Variants in SLC12A5 observed in about 807,000 individuals in gnomAD.
The protein encoded by SLC12A5 is solute carrier family 12 member 5, also known as K-Cl cotransporter 2.
Under a neutral mutation model 124.0 loss-of-function variants are expected in SLC12A5, and 18 were observed. The observed-to-expected ratio is 0.15, with a 90% confidence interval of 0.10 to 0.22. The LOEUF is 0.22. SLC12A5 is among the 10% of genes least tolerant of loss of function. The pLI is 1.00. For missense variants in SLC12A5, 867 were observed against 1,478.7 expected (o/e 0.59, Z 6.78); for synonymous variants, 589 against 568.0 (o/e 1.04, Z -0.53).
At chr20:46,026,177 T>G (rs1396988156), upstream of SLC12A5, among the ~76,000 whole-genome samples, 1 of 152,216 alleles carries the variant, frequency 6.6e-6, no homozygotes, top group African/African-American at 2.4e-5. Context: ...CTCTTCCAGT[T>G]CCCAAATCCT....
chr20:46,029,309 C>A lies in SLC12A5; in HGVS notation c.-36C>A. 6.6e-7 allele frequency: 1 copy of A among 1,519,704 alleles called. No individual in the cohort carries two copies. The highest frequency in any genetic ancestry group is 8.8e-7 in the Non-Finnish European group (1 of 1,134,036). The allele number at this position is 1,519,704 out of a possible 1,614,324, so 94.1% of individuals were successfully genotyped here. ...GGGTAGAGGGGCGCGGGCGAGGCGGCGCAGCCATCCCCGGACCAGGGGCCG... is the reference window on the plus strand; with the variant it reads ...GGGTAGAGGGGCGCGGGCGAGGCGGAGCAGCCATCCCCGGACCAGGGGCCG... On this transcript the variant is annotated 5_prime_UTR_variant, in exon 1 of 26. Coordinates refer to ENST00000243964, the MANE Select transcript of SLC12A5 (RefSeq NM_020708.5).
At chr20:46,044,186 A>G (rs2084573497) in intron 11 of SLC12A5, among the ~76,000 whole-genome samples, 1 of 152,200 alleles carries the variant, frequency 6.6e-6, no homozygotes, top group African/African-American at 2.4e-5. Context: ...GATTAATTCA[A>G]TAGTGTGTCT....
Position 46,045,230 on chromosome 20 carries a change from C to A in SLC12A5, c.1569+90C>A. The stretch of plus-strand genomic sequence containing the variant: ...CACAGTGACCCAGGGCCATAACCAG[C>A]CTTAGACTACCTCCTGGGCCACTTC... On this transcript the variant is annotated intron_variant, in intron 12 of 25. Transcript: ENST00000243964. This position sits in a 1 kb window ranked among gnomAD's most constrained non-coding sequence, Gnocchi z 4.9. The A allele has an allele frequency of 7.1e-7, 1 of 1,403,540 alleles. No homozygotes were observed. Among genetic ancestry groups the A allele is most frequent in the South Asian group, 1.4e-5 (1 of 70,798 alleles). The allele number at this position is 1,403,540 out of a possible 1,614,324, so 86.9% of individuals were successfully genotyped here.
Position 46,045,083 on chromosome 20 carries a change from G to A in SLC12A5, c.1512G>A (p.Thr504=), listed in dbSNP as rs41282782. 74,354 of 1,612,380 alleles carry A rather than the reference G, an allele frequency of 0.046. 1,971 individuals are homozygous for A. Among genetic ancestry groups the A allele is most frequent in the Non-Finnish European group, 0.049 (58,026 of 1,179,256 alleles). ...STCGAGLQSL[T]GAPRLLQAIS... ...GTGGGGCTGGGCTGCAGAGCCTCAC[G>A]GGGGCCCCACGCCTGCTGCAGGCCA... Residue 504 remains threonine (T), a synonymous_variant, in exon 12 of 26, where the codon ACG becomes ACA. Transcript: ENST00000243964. This position sits in a 1 kb window ranked among gnomAD's most constrained non-coding sequence, Gnocchi z 4.9.
intron 18 of SLC12A5, 24 bp from the exon 19 acceptor site, chr20:46,052,933 G>C (rs753262118): frequency 7.5e-6 from 12 of 1,592,120 alleles, no homozygotes; most frequent in Non-Finnish European, 1.0e-5. Flanking sequence ...TTCCCCCTCT[G>C]GCCCTCTCCT....
In SLC12A5 at chr20:46,059,290, A is replaced by AGAGCTG; in HGVS notation, c.*1693_*1698dup. 1 of 295,860 alleles carries AGAGCTG rather than the reference A, an allele frequency of 3.4e-6. No homozygotes were observed. Among genetic ancestry groups the AGAGCTG allele is most frequent in the Non-Finnish European group, 6.2e-6 (1 of 162,374 alleles). The allele number at this position is 295,860 out of a possible 1,614,324, so 18.3% of individuals were successfully genotyped here. On this transcript the variant is annotated 3_prime_UTR_variant, in exon 26 of 26. Transcript: ENST00000243964. ...ACCTCTTTTCCTTTGAGCCCAAGGCAGAGCTGGAGCTGGCGCCACCCAGAC... is the reference window on the plus strand; with the variant it reads ...ACCTCTTTTCCTTTGAGCCCAAGGCAGAGCTGGAGCTGGAGCTGGCGCCACCCAGAC...
At chr20:46,046,066 C>T in intron 13 of SLC12A5, 70 bp downstream of exon 13, 1 of 1,407,750 alleles carries the variant, frequency 7.1e-7, no homozygotes, top group South Asian at 1.2e-5. Context: ...GCAGCCGTTA[C>T]CTGTGACAAC....
intron 15 of SLC12A5, 71 bp downstream of exon 15, chr20:46,047,644 T>A: frequency 1.3e-6 from 2 of 1,537,500 alleles, no homozygotes; most frequent in Non-Finnish European, 1.8e-6. Context: ...AGGGAAGGGG[T>A]CATGAGGGAT....
At chr20:46,021,884 A>G (rs1269925327) in exon 1 of SLC12A5, 4 of 1,526,462 alleles carry the variant, frequency 2.6e-6, no homozygotes, top group Non-Finnish European at 3.5e-6. Context: ...GAAGACGTCA[A>G]AGGTAGAGGC....
chr20:46,023,799 A>G (rs1384662305), downstream of SLC12A5, among the ~76,000 whole-genome samples: 1 of 151,998 alleles, frequency 6.6e-6, no homozygotes, highest in Non-Finnish European at 1.5e-5. Flanking sequence ...GGTATCCTCC[A>G]TTGGAACATC....
chr20:46,043,512 C>T (rs919501459), intron 9 of SLC12A5, 121 bp from the exon 10 acceptor site: 13 of 1,206,972 alleles, frequency 1.1e-5, no homozygotes, highest in Non-Finnish European at 1.4e-5. Context: ...AGGTCTCACA[C>T]AAGCCAGTAT....
chr20:46,023,004 A>AGAG (rs1272544125), exon 2 of SLC12A5: 36 of 359,472 alleles, frequency 1.0e-4, no homozygotes, highest in African/African-American at 1.6e-4. Context: ...AGGAGGAGGA[A>AGAG]GAGGAGGAGG....
At chr20:46,049,817 G>A (rs1417484852) in intron 17 of SLC12A5, 27 bp downstream of exon 17, 3 of 1,557,902 alleles carry the variant, frequency 1.9e-6, no homozygotes. Flanking sequence ...GTTGGGCTTG[G>A]GAAAAGGTCA....
intron 1 of SLC12A5, among the ~76,000 whole-genome samples, chr20:46,032,996 G>A (rs1004759076): frequency 1.3e-5 from 2 of 152,184 alleles, no homozygotes; most frequent in African/African-American, 4.8e-5. Flanking sequence ...AGAAAGAGCT[G>A]ACGATTGCAC....
intron 1 of SLC12A5, chr20:46,022,859 A>G: frequency 2.5e-6 from 1 of 398,036 alleles, no homozygotes; most frequent in Non-Finnish European, 4.4e-6. Flanking sequence ...CTCAGGGGGC[A>G]CTCATCAGGG....
Position 46,029,295 on chromosome 20 carries a change from C to T in SLC12A5, c.-50C>T, listed in dbSNP as rs1456723518. ...AGAGCGGCGAAGGCGGGTAGAGGGG[C>T]GCGGGCGAGGCGGCGCAGCCATCCC... On this transcript the variant is annotated 5_prime_UTR_variant, in exon 1 of 26. Coordinates refer to ENST00000243964, the MANE Select transcript of SLC12A5 (RefSeq NM_020708.5). The T allele has an allele frequency of 4.0e-6, 6 of 1,515,346 alleles. No individual in the cohort carries two copies. The highest frequency in any genetic ancestry group is 2.8e-5 in the African/African-American group (2 of 71,386). 93.9% of individuals were successfully genotyped at this position (1,515,346 alleles called of 1,614,324 possible). A position where few individuals can be genotyped will look rare whatever the true frequency, so the allele number is the denominator to read the frequency against.
In SLC12A5 at chr20:46,059,625, T is replaced by G. The variant is rs1451625213; in HGVS notation, c.*2020T>G. ...TTGTCTGGTTGGCAAGAGCAAAGTT[T>G]CCGTTGATGAAACAGACATCCCACA... On this transcript the variant is annotated 3_prime_UTR_variant, in exon 26 of 26. Coordinates refer to ENST00000243964, the MANE Select transcript of SLC12A5 (RefSeq NM_020708.5). The G allele has an allele frequency of 2.5e-6, 1 of 398,970 alleles. No individual in the cohort carries two copies. Among genetic ancestry groups the G allele is most frequent in the Non-Finnish European group, 4.4e-6 (1 of 226,076 alleles). The allele number at this position is 398,970 out of a possible 1,614,324, so 24.7% of individuals were successfully genotyped here.
intron 14 of SLC12A5, 46 bp from the exon 15 acceptor site, chr20:46,047,408 A>T (rs374783737): frequency 9.4e-6 from 15 of 1,599,886 alleles, no homozygotes; most frequent in Non-Finnish European, 1.3e-5. Flanking sequence ...AGCTTCAGCA[A>T]CAGCCCTGCT....
Position 46,043,830 on chromosome 20 carries a change from G to A in SLC12A5, c.1337-46G>A, listed in dbSNP as rs369816270. 2.5e-6 allele frequency: 4 copies of A among 1,613,204 alleles called. No homozygotes were observed. The South Asian group carries it at 3.3e-5, about 13-fold the overall frequency. On this transcript the variant is annotated intron_variant, in intron 10 of 25. Coordinates refer to ENST00000243964, the MANE Select transcript of SLC12A5 (RefSeq NM_020708.5). ...CCTGCTGGTGCAGGAAGGGTGGGGA[G>A]GGGGAGGACTGAACCGTGGGGATTC...
Sources: allele counts gnomAD v4.1 joint callset (sites outside exome capture counted in the v4.1 genomes callset), GRCh38; gene constraint gnomAD v4.1.1; non-coding constraint Gnocchi (gnomAD v3.1); transcripts MANE v1.5; gene names NCBI Gene and HGNC (gene_info 2026-07-23, HGNC 2026-07-21).